WDR17: variants seen among roughly 807,000 people sequenced by gnomAD.
WDR17 encodes WD repeat-containing protein 17.
In WDR17, 143 loss-of-function variants were observed where a neutral mutation model predicts 161.7. The ratio of observed to expected loss-of-function variants is 0.88; its 90% CI spans 0.77 to 1.02. WDR17 has a LOEUF of 1.02. Ranked by LOEUF, WDR17 falls within the 50% of genes least tolerant of loss-of-function variation. The pLI, the probability that WDR17 is intolerant of heterozygous loss-of-function variation, is 0.00. For missense variants in WDR17, 1,469 were observed against 1,520.9 expected (o/e 0.97, Z 0.57); for synonymous variants, 517 against 515.6 (o/e 1.00, Z -0.04).
chr4:176,098,295 C>A (rs943237434), intron 1 of WDR17: 3 of 152,134 alleles, frequency 2.0e-5, no homozygotes, highest in African/African-American at 7.2e-5. Context: ...ACTGTATTTT[C>A]TGAAGCAACA....
At chr4:176,073,239 T>C (rs6849806) in intron 1 of WDR17, among the ~76,000 whole-genome samples, 79,425 of 151,942 alleles carry the variant, frequency 0.52, 22,174 homozygotes, top group South Asian at 0.63. Context: ...TATCTCCTAA[T>C]GCTTTCCCTC....
At chr4:176,147,117 A>G (rs574549959) in intron 12 of WDR17, among the ~76,000 whole-genome samples, 353 of 152,208 alleles carry the variant, frequency 2.3e-3, no homozygotes, top group Non-Finnish European at 3.1e-3. Flanking sequence ...CGCCCGTCTC[A>G]GCCTCCCAAA....
intron 1 of WDR17, among the ~76,000 whole-genome samples, chr4:176,080,580 A>G (rs1328276990): frequency 6.6e-6 from 1 of 152,118 alleles, no homozygotes; most frequent in Non-Finnish European, 1.5e-5. Context: ...TACTGCTGCT[A>G]AAGTAGCAAG....
rs1324975673 is a variant in WDR17 at position 176,128,858 on chromosome 4, A to C, written c.911A>C (p.Lys304Thr). The C allele has an allele frequency of 1.3e-6, 2 of 1,566,292 alleles. No homozygotes were observed. Among genetic ancestry groups the C allele is most frequent in the East Asian group, 4.6e-5 (2 of 43,936 alleles). The change falls in exon 6 of 29, where the codon AAG becomes ACG. Residue 304 changes from lysine (K) to threonine (T), a missense_variant and splice_region_variant. Physicochemically the swap from Lys to Thr is moderately conservative, Grantham distance 78. Transcript: ENST00000508596. ...GTACTTAATTCTCCTCCAAGAAAAA[A>C]GTGTAAGTAAAAATGTTATCAAAAT... ...LHVLNSPPRK[K>T]FSVQSPTKNH...
chr4:176,133,017 T>A (rs1743722038), intron 7 of WDR17, among the ~76,000 whole-genome samples: 2 of 151,682 alleles, frequency 1.3e-5, no homozygotes, highest in Non-Finnish European at 3.0e-5. Flanking sequence ...CAATTCTTCA[T>A]TTCTGAATAA....
chr4:176,163,792 C>G (rs192214782), intron 22 of WDR17, among the ~76,000 whole-genome samples: 2 of 152,232 alleles, frequency 1.3e-5, no homozygotes, highest in Admixed American at 1.3e-4. Flanking sequence ...TGGGGTAGCC[C>G]GGAAATCCAG....
At chr4:176,142,879 T>C (rs1365095401) in intron 11 of WDR17, among the ~76,000 whole-genome samples, 1 of 152,110 alleles carries the variant, frequency 6.6e-6, no homozygotes, top group African/African-American at 2.4e-5. Context: ...AAAAACACTG[T>C]TTTTTGTGGG....
chr4:176,114,262 G>A (rs748189858), intron 2 of WDR17, among the ~76,000 whole-genome samples: 8 of 151,876 alleles, frequency 5.3e-5, no homozygotes, highest in Non-Finnish European at 1.2e-4. Context: ...ATTTAAATAA[G>A]TCAACTTAAA....
intron 1 of WDR17, among the ~76,000 whole-genome samples, chr4:176,072,509 A>G (rs1733369072): frequency 6.6e-6 from 1 of 152,190 alleles, no homozygotes; most frequent in South Asian, 2.1e-4. Flanking sequence ...GATTTTTGAA[A>G]TCCTATTTAT....
intron 1 of WDR17, among the ~76,000 whole-genome samples, chr4:176,076,900 A>T (rs1734117221): frequency 6.6e-6 from 1 of 152,126 alleles, no homozygotes; most frequent in African/African-American, 2.4e-5. Context: ...TCAATGTCAA[A>T]TCTCCTTCTT....
chr4:176,097,257 CAA>C (rs1166863377), intron 1 of WDR17, among the ~76,000 whole-genome samples: 3 of 151,836 alleles, frequency 2.0e-5, no homozygotes, highest in Non-Finnish European at 4.4e-5. Context: ...TAAATGAAGA[CAA>C]TTTGTATATT....
intron 1 of WDR17, among the ~76,000 whole-genome samples, chr4:176,097,282 A>T (rs1737036323): frequency 6.6e-6 from 1 of 151,916 alleles, no homozygotes; most frequent in Non-Finnish European, 1.5e-5. Context: ...TATTTTATTA[A>T]TTAGTGGGAC....
chr4:176,071,916 T>C (rs1362401114), intron 1 of WDR17, among the ~76,000 whole-genome samples: 1 of 152,180 alleles, frequency 6.6e-6, no homozygotes, highest in Non-Finnish European at 1.5e-5. Flanking sequence ...TCTTGCTCTT[T>C]TGATGTTCAG....
chr4:176,097,136 A>G (rs1295702869), intron 1 of WDR17, among the ~76,000 whole-genome samples: 1 of 152,054 alleles, frequency 6.6e-6, no homozygotes, highest in Non-Finnish European at 1.5e-5. Context: ...ACCTATTATT[A>G]CAATAATAGA....
chr4:176,069,261 A>T (rs1732916070), intron 1 of WDR17, among the ~76,000 whole-genome samples: 1 of 151,884 alleles, frequency 6.6e-6, no homozygotes, highest in South Asian at 2.1e-4. Context: ...ATTTATATAT[A>T]TATATTGATA....
chr4:176,176,983 C>T, intron 26 of WDR17, 75 bp from the exon 27 acceptor site: 1 of 976,128 alleles, frequency 1.0e-6, no homozygotes. Flanking sequence ...TCTAAAATCA[C>T]ATTTAAAGTT....
intron 28 of WDR17, 63 bp from the exon 29 acceptor site, chr4:176,179,397 A>G: frequency 1.5e-6 from 2 of 1,362,494 alleles, no homozygotes; most frequent in Non-Finnish European, 1.9e-6. Flanking sequence ...TCTTTCTGAA[A>G]GTTTAAAAAT....
chr4:176,120,288 TTATATATATATATA>T (rs33940735), intron 4 of WDR17, among the ~76,000 whole-genome samples, 191 bp downstream of exon 4: 1 of 136,516 alleles, frequency 7.3e-6, no homozygotes, highest in Admixed American at 7.4e-5. Context: ...ATTTGAAGTT[TTATATATATATATA>T]TATATATATA....
intron 1 of WDR17, among the ~76,000 whole-genome samples, chr4:176,104,094 A>G (rs1738288913): frequency 6.6e-6 from 1 of 152,154 alleles, no homozygotes; most frequent in South Asian, 2.1e-4. Flanking sequence ...TAGAGACTGG[A>G]AGGAAATGGG....
Sources: gnomAD v4.1 joint callset for allele counts (sites outside exome capture counted in the v4.1 genomes callset) on GRCh38, gnomAD v4.1.1 for gene constraint, MANE v1.5 for transcripts, NCBI Gene and HGNC (gene_info 2026-07-23, HGNC 2026-07-21) for gene names.